The following TUSC3 variants were observed in gnomAD, a reference collection of about 807,000 sequenced individuals.
TUSC3 encodes the protein dolichyl-diphosphooligosaccharide--protein glycosyltransferase subunit TUSC3.
TUSC3 carries 45 observed loss-of-function variants against 44.8 expected under a neutral mutation model. The observed-to-expected ratio is 1.00, with a 90% CI of 0.79 to 1.29. The LOEUF (loss-of-function observed/expected upper bound fraction) is 1.29. TUSC3 is among the 50% of genes most tolerant of loss of function. The probability of loss-of-function intolerance (pLI) is 0.00; values close to 1 mark genes in which losing one functional copy is unlikely to be tolerated. For missense variants in TUSC3, 519 were observed against 437.9 expected, an observed-to-expected ratio of 1.19 and a Z score of -1.65; for synonymous variants, 212 against 152.9, an observed-to-expected ratio of 1.39 and a Z score of -2.85.
intron 1 of TUSC3, among the ~76,000 whole-genome samples, chr8:15,618,503 C>G (rs757967052): frequency 2.6e-5 from 4 of 152,164 alleles, no homozygotes; most frequent in Non-Finnish European, 5.9e-5. Context: ...ATCAATATCA[C>G]TATCTTCCAC....
At chr8:15,565,692 C>G (rs750615966) in intron 1 of TUSC3, among the ~76,000 whole-genome samples, 1 of 152,090 alleles carries the variant, frequency 6.6e-6, no homozygotes, top group Non-Finnish European at 1.5e-5. Flanking sequence ...TACTTTCATG[C>G]TTGGAACACA....
intron 1 of TUSC3, among the ~76,000 whole-genome samples, chr8:15,585,033 A>G (rs576982171): frequency 6.6e-6 from 1 of 152,338 alleles, no homozygotes; most frequent in Admixed American, 6.5e-5. Context: ...TTTGTGTTAG[A>G]AATACTCTAA....
intron 2 of TUSC3, among the ~76,000 whole-genome samples, chr8:15,519,158 A>T (rs1801260767): frequency 6.6e-6 from 1 of 152,196 alleles, no homozygotes; most frequent in Non-Finnish European, 1.5e-5. Context: ...TTGTTGAAGG[A>T]TGATGGAGAA....
At chr8:15,547,695 C>T (rs1402721248) in intron 1 of TUSC3, among the ~76,000 whole-genome samples, 2 of 176 alleles carry the variant, frequency 0.011, no homozygotes, top group Non-Finnish European at 0.016. Context: ...GTGATAGGTC[C>T]TCAGGGGTGC....
At chr8:15,437,093 T>G (rs118147516) in intron 1 of TUSC3, among the ~76,000 whole-genome samples, 3,437 of 152,244 alleles carry the variant, frequency 0.023, 54 homozygotes, top group South Asian at 0.071. Flanking sequence ...TGAGTCAAAT[T>G]AAGATATCTC....
At chr8:15,563,521 G>C (rs1316930766) in intron 1 of TUSC3, among the ~76,000 whole-genome samples, 2 of 151,646 alleles carry the variant, frequency 1.3e-5, no homozygotes, top group East Asian at 3.9e-4. Context: ...CCCTGTCTCT[G>C]CTAAAAATAC....
At chr8:15,583,645 G>C (rs1455601371) in intron 1 of TUSC3, among the ~76,000 whole-genome samples, 1 of 152,174 alleles carries the variant, frequency 6.6e-6, no homozygotes, top group African/African-American at 2.4e-5. Context: ...CTGCTTAGTG[G>C]GATAGCAGGA....
At chr8:15,699,531 T>G (rs778546564) in intron 6 of TUSC3, among the ~76,000 whole-genome samples, 6 of 152,202 alleles carry the variant, frequency 3.9e-5, no homozygotes, top group Non-Finnish European at 8.8e-5. Context: ...GATGTGACTT[T>G]TAAAAAATGC....
intron 2 of TUSC3, among the ~76,000 whole-genome samples, chr8:15,490,246 A>G (rs1030996276): frequency 6.6e-6 from 1 of 152,186 alleles, no homozygotes; most frequent in Non-Finnish European, 1.5e-5. Flanking sequence ...AAACAAAGAG[A>G]AGAGACACTG....
chr8:15,731,662 A>G (rs966087663), intron 7 of TUSC3, among the ~76,000 whole-genome samples: 1 of 152,172 alleles, frequency 6.6e-6, no homozygotes, highest in Middle Eastern at 3.2e-3. Context: ...CTTCAGTTTT[A>G]TGTACAATAC....
At chr8:15,523,807 C>T (rs1380130402) in intron 2 of TUSC3, among the ~76,000 whole-genome samples, 1 of 150,308 alleles carries the variant, frequency 6.7e-6, no homozygotes, top group East Asian at 1.9e-4. Flanking sequence ...CCTGTAATCC[C>T]AGCACTTTGA....
Position 15,465,723 on chromosome 8 carries a change from T to C in TUSC3, n.92-17663T>C, listed in dbSNP as rs17121483. On this transcript the variant is annotated intron_variant and non_coding_transcript_variant, in intron 1 of 5. Transcript: ENST00000503191. Reference sequence around the variant, plus strand: ...ATGCTTAAAATAACCCATAGCATTTTGGAATTAAACATCAAACATAAAGGT... The same window carrying C: ...ATGCTTAAAATAACCCATAGCATTTCGGAATTAAACATCAAACATAAAGGT... Among the ~76,000 whole-genome samples, 277 of 152,330 alleles carry C rather than the reference T, an allele frequency of 1.8e-3. 1 individual carries two copies. The highest frequency in any genetic ancestry group is 5.9e-3 in the African/African-American group (246 of 41,582).
At chr8:15,739,983 A>C (rs1180122431) in intron 7 of TUSC3, among the ~76,000 whole-genome samples, 1 of 152,212 alleles carries the variant, frequency 6.6e-6, no homozygotes, top group Non-Finnish European at 1.5e-5. Context: ...ATAGTGAATA[A>C]AACAAAGTTC....
intron 2 of TUSC3, among the ~76,000 whole-genome samples, chr8:15,492,025 C>G (rs902701823): frequency 9.1e-4 from 138 of 152,192 alleles, no homozygotes; most frequent in African/African-American, 3.2e-3. Flanking sequence ...GCATGTGGCT[C>G]CTGCTTCCTG....
rs191475512 is a variant in TUSC3 at position 15,520,283 on chromosome 8, A to G, written n.189+36800A>G. ...ATATAGATATGTTTAAATATCTTTA[A>G]CATCTTGAAGACAAATGAATACTAT... On this transcript the variant is annotated intron_variant and non_coding_transcript_variant, in intron 2 of 5. Transcript: ENST00000503191. 5.3e-5 allele frequency among the ~76,000 whole-genome samples: 8 copies of G among 152,320 alleles called. No homozygotes were observed. The East Asian group carries it at 1.2e-3, about 22-fold the overall frequency.
At chr8:15,714,820 T>C (rs1306029133) in intron 6 of TUSC3, among the ~76,000 whole-genome samples, 1 of 152,184 alleles carries the variant, frequency 6.6e-6, no homozygotes, top group African/African-American at 2.4e-5. Flanking sequence ...ACATAACCAA[T>C]TCTGGTAGAT....
At chr8:15,621,519 A>AATAT (rs367620935) in intron 1 of TUSC3, among the ~76,000 whole-genome samples, 3 of 146,350 alleles carry the variant, frequency 2.0e-5, no homozygotes, top group African/African-American at 7.5e-5. Context: ...ATATATGTAA[A>AATAT]ATATATATAT....
chr8:15,709,034 C>T (rs1809729723), intron 6 of TUSC3, among the ~76,000 whole-genome samples: 1 of 151,688 alleles, frequency 6.6e-6, no homozygotes, highest in Admixed American at 6.6e-5. Flanking sequence ...GATAGAACTC[C>T]AACTAATAGT....
chr8:15,802,940 G>A, the TUSC3 span, among the ~76,000 whole-genome samples: 1 of 152,094 alleles, frequency 6.6e-6, no homozygotes. Context: ...TGTATACTAT[G>A]TCACCTGCAA....
Sources: gnomAD v4.1 joint callset for allele counts (sites outside exome capture counted in the v4.1 genomes callset) on GRCh38, gnomAD v4.1.1 for gene constraint, MANE v1.5 for transcripts, NCBI Gene and HGNC (gene_info 2026-07-23, HGNC 2026-07-21) for gene names.